ZNF438: variants seen among roughly 807,000 people sequenced by gnomAD.
ZNF438 encodes the protein zinc finger protein 438.
ZNF438 carries 25 observed loss-of-function variants against 38.0 expected under a neutral mutation model. The ratio of observed to expected loss-of-function variants is 0.66; its 90% CI spans 0.48 to 0.92. ZNF438 has a LOEUF of 0.92. ZNF438 is among the 40% of genes least tolerant of loss of function. The probability of loss-of-function intolerance (pLI) is 0.00; values close to 1 mark genes in which losing one functional copy is unlikely to be tolerated. For synonymous variants in ZNF438, 372 were observed against 364.1 expected (o/e 1.02, Z -0.25); for missense variants, 1,007 against 999.6 (o/e 1.01, Z -0.10).
chr10:31,005,961 C>T (rs140959965), intron 1 of ZNF438, among the ~76,000 whole-genome samples: 2 of 152,302 alleles, frequency 1.3e-5, no homozygotes, highest in African/African-American at 2.4e-5. Context: ...CTCTCTGAGC[C>T]TAAATCTCTT....
At chr10:31,002,078 G>A (rs556332115) in intron 1 of ZNF438, among the ~76,000 whole-genome samples, 1 of 152,348 alleles carries the variant, frequency 6.6e-6, no homozygotes, top group Non-Finnish European at 1.5e-5. Flanking sequence ...TTCAGGGAAA[G>A]GCAGTGGCTG....
At chr10:30,887,810 T>C (rs1350404341) in intron 3 of ZNF438, among the ~76,000 whole-genome samples, 4 of 152,190 alleles carry the variant, frequency 2.6e-5, no homozygotes, top group African/African-American at 9.7e-5. Context: ...AAAAGTCCCC[T>C]TGTGCTCTTC....
chr10:30,885,460 GCTA>G (rs960419422), intron 3 of ZNF438, among the ~76,000 whole-genome samples: 64 of 152,280 alleles, frequency 4.2e-4, no homozygotes, highest in African/African-American at 1.5e-3. Flanking sequence ...TGCAACAAAT[GCTA>G]CTATGTGCTA....
chr10:30,925,753 T>G (rs2044839185), intron 2 of ZNF438, among the ~76,000 whole-genome samples: 1 of 152,234 alleles, frequency 6.6e-6, no homozygotes, highest in Non-Finnish European at 1.5e-5. Context: ...TTCATGCTCT[T>G]TCCCCAGCTG....
chr10:30,992,351 TA>T (rs1158825435), intron 1 of ZNF438, among the ~76,000 whole-genome samples: 4 of 151,608 alleles, frequency 2.6e-5, no homozygotes, highest in Non-Finnish European at 4.4e-5. Context: ...TGCATTGCCA[TA>T]AATGGAGCAT....
chr10:30,881,104 T>G (rs1388420979), intron 3 of ZNF438, among the ~76,000 whole-genome samples: 1 of 152,190 alleles, frequency 6.6e-6, no homozygotes, highest in African/African-American at 2.4e-5. Flanking sequence ...TTCTCACCAC[T>G]TCTATTCAAC....
intron 3 of ZNF438, among the ~76,000 whole-genome samples, chr10:30,891,248 T>C (rs2040652821): frequency 1.3e-5 from 2 of 152,212 alleles, no homozygotes; most frequent in Non-Finnish European, 2.9e-5. Flanking sequence ...CTTGAATTCC[T>C]ATTATTGAAA....
At chr10:30,977,268 T>C (rs1377096173) in intron 1 of ZNF438, among the ~76,000 whole-genome samples, 1 of 152,252 alleles carries the variant, frequency 6.6e-6, no homozygotes, top group Non-Finnish European at 1.5e-5. Flanking sequence ...CTTAAAACTC[T>C]GAAATGCTTT....
chr10:31,015,192 T>G (rs2133173255), intron 1 of ZNF438, among the ~76,000 whole-genome samples: 1 of 152,314 alleles, frequency 6.6e-6, no homozygotes, highest in South Asian at 2.1e-4. Flanking sequence ...ATCTTGTCAT[T>G]ATCATAGCTG....
chr10:30,993,730 G>A (rs1589630428), intron 1 of ZNF438, among the ~76,000 whole-genome samples: 1 of 152,302 alleles, frequency 6.6e-6, no homozygotes, highest in African/African-American at 2.4e-5. Context: ...TGAGATCCCA[G>A]AACTATACCA....
chr10:30,963,793 A>T (rs1209015933), intron 1 of ZNF438, among the ~76,000 whole-genome samples: 2 of 152,044 alleles, frequency 1.3e-5, no homozygotes, highest in Non-Finnish European at 2.9e-5. Context: ...AGGCAGAAGA[A>T]TCCCTTGAAT....
intron 3 of ZNF438, among the ~76,000 whole-genome samples, chr10:30,881,154 T>C (rs534749169): frequency 6.6e-6 from 1 of 152,198 alleles, no homozygotes; most frequent in South Asian, 2.1e-4. Flanking sequence ...AGAGCAAAAA[T>C]AAATAAAATG....
chr10:30,875,758 G>A (rs1328354176), intron 4 of ZNF438, among the ~76,000 whole-genome samples: 3 of 152,158 alleles, frequency 2.0e-5, no homozygotes, highest in Admixed American at 6.5e-5. Context: ...CAAACCAAGC[G>A]GTCTAATTCC....
Position 30,874,114 on chromosome 10 carries a change from GTATATATATATATATATATATA to G in ZNF438, c.37+2862_37+2883del, listed in dbSNP as rs58422289. Among the ~76,000 whole-genome samples the G allele has an allele frequency of 2.2e-3, 173 of 80,298 alleles. No homozygotes were observed. The East Asian group carries it at 0.023, about 11-fold the overall frequency. The allele number at this position is 80,298 out of a possible 152,430, so 52.7% of individuals were successfully genotyped here. A position where few individuals can be genotyped will look rare whatever the true frequency, so the allele number is the denominator to read the frequency against. ...TGTGGGTGTGTGGGGGTGTGTGTGT[GTATATATATATATATATATATA>G]TATATATATATATATATATATATAT... is the stretch of plus-strand genomic sequence containing the variant. On this transcript the variant is annotated intron_variant, in intron 4 of 5. Transcript: ENST00000413025.
At chr10:30,991,551 T>A (rs1181677966) in intron 1 of ZNF438, among the ~76,000 whole-genome samples, 2 of 152,206 alleles carry the variant, frequency 1.3e-5, no homozygotes, top group Non-Finnish European at 2.9e-5. Flanking sequence ...TCACTATTCC[T>A]GCCCCCAGTT....
At chr10:31,007,728 T>C (rs2055295607) in intron 1 of ZNF438, among the ~76,000 whole-genome samples, 1 of 152,218 alleles carries the variant, frequency 6.6e-6, no homozygotes, top group Admixed American at 6.5e-5. Flanking sequence ...GTGCCTAGTA[T>C]ATAGGAAGCA....
At chr10:30,849,951 G>T in exon 5 of ZNF438, 1 of 1,614,198 alleles carries the variant, frequency 6.2e-7, no homozygotes, top group South Asian at 1.1e-5. Context: ...ATTTGGGTTT[G>T]GGCAGGAGCT....
chr10:30,964,304 G>C (rs1458842350), intron 1 of ZNF438, among the ~76,000 whole-genome samples: 2 of 152,062 alleles, frequency 1.3e-5, no homozygotes, highest in Non-Finnish European at 2.9e-5. Context: ...TTAAATCTTT[G>C]ATCACTCTCT....
At chr10:30,877,214 T>C (rs2038566969) in intron 3 of ZNF438, 149 bp from the exon 5 acceptor site, 1 of 445,006 alleles carries the variant, frequency 2.2e-6, no homozygotes, top group Non-Finnish European at 3.9e-6. Flanking sequence ...TAAGAATTGA[T>C]GTTTTTATTT....
Sources: allele counts gnomAD v4.1 joint callset (sites outside exome capture counted in the v4.1 genomes callset), GRCh38; gene constraint gnomAD v4.1.1; transcripts MANE v1.5; gene names NCBI Gene and HGNC (gene_info 2026-07-23, HGNC 2026-07-21).